The following ADAM23 variants were observed in gnomAD, a reference collection of about 807,000 sequenced individuals.
The protein encoded by ADAM23 is disintegrin and metalloproteinase domain-containing protein 23.
A neutral mutation model predicts 120.1 loss-of-function variants in ADAM23; 33 were observed. The ratio of observed to expected loss-of-function variants is 0.27; its 90% confidence interval spans 0.21 to 0.37. The LOEUF (loss-of-function observed/expected upper bound fraction) is 0.37. Among genes scored for constraint, ADAM23 ranks in the 10% least tolerant of loss-of-function variants. The pLI is 1.00. For synonymous variants in ADAM23, 367 were observed against 375.2 expected (o/e 0.98, Z 0.25); for missense variants, 862 against 1,058.2 (o/e 0.81, Z 2.57).
intron 3 of ADAM23, among the ~76,000 whole-genome samples, chr2:206,510,239 G>A (rs1649532105): frequency 6.6e-6 from 1 of 152,076 alleles, no homozygotes; most frequent in East Asian, 1.9e-4. Context: ...AAATTTAAAA[G>A]AAAAACAAAT....
intron 3 of ADAM23, among the ~76,000 whole-genome samples, chr2:206,525,281 T>A (rs2105793341): frequency 6.6e-6 from 1 of 152,242 alleles, no homozygotes; most frequent in East Asian, 1.9e-4. Flanking sequence ...CTCACTCAAT[T>A]TCCTAGTTAG....
At chr2:206,554,828 G>A (rs1007484419) in intron 9 of ADAM23, among the ~76,000 whole-genome samples, 1 of 152,080 alleles carries the variant, frequency 6.6e-6, no homozygotes, top group East Asian at 1.9e-4. Context: ...CAATTAAATG[G>A]CACTTCAAGT....
intron 18 of ADAM23, among the ~76,000 whole-genome samples, chr2:206,581,078 G>C (rs769319189): frequency 1.3e-5 from 2 of 152,074 alleles, no homozygotes; most frequent in African/African-American, 4.8e-5. Flanking sequence ...TCATTTCTTA[G>C]TGAGGTTTTT....
At chr2:206,531,995 A>G (rs2105799115) in intron 4 of ADAM23, among the ~76,000 whole-genome samples, 1 of 152,250 alleles carries the variant, frequency 6.6e-6, no homozygotes, top group African/African-American at 2.4e-5. Context: ...CCAGCCTTTG[A>G]GTTTTGTGCC....
intron 24 of ADAM23, among the ~76,000 whole-genome samples, chr2:206,604,914 A>G (rs1018602074): frequency 3.3e-5 from 5 of 152,204 alleles, no homozygotes; most frequent in African/African-American, 1.2e-4. Context: ...AATAAAGTGT[A>G]TGTATGTCCA....
In ADAM23 at chr2:206,618,574, C is replaced by T. The variant is rs1698980509; in HGVS notation, c.*947C>T. The T allele has an allele frequency of 6.6e-6, 1 of 152,140 alleles. No individual in the cohort carries two copies. The highest frequency in any genetic ancestry group is 1.5e-5 in the Non-Finnish European group (1 of 68,024). The allele number at this position is 152,140 out of a possible 1,614,324, so 9.4% of individuals were successfully genotyped here. A position where few individuals can be genotyped will look rare whatever the true frequency, so the allele number is the denominator to read the frequency against. On this transcript the variant is annotated 3_prime_UTR_variant, in exon 26 of 26. Transcript: ENST00000264377. ...GTTTCTTGTCTCTCTTTCTCTGTCTCTGTCCTTCTCTCTTGTAACGTGTTA... is the reference window on the plus strand; with the variant it reads ...GTTTCTTGTCTCTCTTTCTCTGTCTTTGTCCTTCTCTCTTGTAACGTGTTA...
chr2:206,540,641 T>C (rs928843168), intron 4 of ADAM23, among the ~76,000 whole-genome samples: 16 of 152,182 alleles, frequency 1.1e-4, no homozygotes, highest in Middle Eastern at 3.4e-3. Context: ...AGCTTTGAGC[T>C]TTTCATGCTC....
rs1695006352 is a variant in ADAM23, at chr2:206,443,708, A to G, written c.-159A>G. 5.6e-5 allele frequency: 11 copies of G among 195,368 alleles called. No individual in the cohort carries two copies. In the South Asian group the frequency reaches 1.9e-3, roughly 34 times the overall value. 12.1% of individuals were successfully genotyped at this position (195,368 alleles called of 1,614,324 possible). A position where few individuals can be genotyped will look rare whatever the true frequency, so the allele number is the denominator to read the frequency against. On this transcript the variant is annotated 5_prime_UTR_variant, in exon 1 of 26. Transcript: ENST00000264377. ...CGAGCCGGGAAAGGGGGCGCCGCCC[A>G]GCCCCGAGCCCCGCGCCCCGTGCCC...
At chr2:206,510,990 C>T (rs1053072705) in intron 3 of ADAM23, among the ~76,000 whole-genome samples, 1 of 152,074 alleles carries the variant, frequency 6.6e-6, no homozygotes, top group African/African-American at 2.4e-5. Context: ...TATATTTTTA[C>T]CTATTTTTTT....
Position 206,445,325 on chromosome 2 carries a change from C to G in ADAM23, c.233C>G (p.Thr78Ser). 1 of 1,613,866 alleles carries G rather than the reference C, an allele frequency of 6.2e-7. No homozygotes were observed. The highest frequency in any genetic ancestry group is 8.5e-7 in the Non-Finnish European group (1 of 1,179,912). Residue 78 changes from threonine to serine, a missense_variant, in exon 2 of 26, where the codon ACT becomes AGT. By Grantham distance (58) the Thr-to-Ser change is moderately conservative. Around this residue, in one of 4 missense-constraint regions of ADAM23, gnomAD observed 225 missense variants for 204.0 expected, o/e 1.10. Transcript: ENST00000264377. Reference protein sequence around the residue: ...AAPSAPHWNETAEKNLGVLAD... With the variant: ...AAPSAPHWNESAEKNLGVLAD... ...CCACCAGCTCCGCATTGGAATGAAA[C>G]TGCAGAAAAAAATTTGGGAGTCCTG...
chr2:206,492,367 G>A (rs893667990), intron 3 of ADAM23, among the ~76,000 whole-genome samples: 6 of 152,142 alleles, frequency 3.9e-5, no homozygotes, highest in Non-Finnish European at 7.4e-5. Flanking sequence ...GGCTTTGAGA[G>A]GTGAACAGAA....
chr2:206,509,224 A>T (rs1462766302), intron 3 of ADAM23, among the ~76,000 whole-genome samples: 1 of 152,220 alleles, frequency 6.6e-6, no homozygotes, highest in African/African-American at 2.4e-5. Flanking sequence ...ATACAAAAAG[A>T]ATACAAAGAA....
intron 3 of ADAM23, among the ~76,000 whole-genome samples, chr2:206,509,226 T>C (rs960475074): frequency 1.3e-5 from 2 of 152,132 alleles, no homozygotes; most frequent in Non-Finnish European, 2.9e-5. Flanking sequence ...ACAAAAAGAA[T>C]ACAAAGAAAA....
chr2:206,443,937 GC>G lies in ADAM23; in HGVS notation c.76del (p.Gln26AsnfsTer143). On this transcript the variant is annotated frameshift_variant, in exon 1 of 26. Transcript: ENST00000264377. LOFTEE classifies it high-confidence loss of function. Reference sequence around the variant, plus strand: ...TGCAGCCTTGCCGGCGCTTCCTGCGGCCCCCAACGCGGCCCCGCCGGCTCGG... The same window carrying G: ...TGCAGCCTTGCCGGCGCTTCCTGCGGCCCCAACGCGGCCCCGCCGGCTCGG... The part of the protein sequence containing the change: ...AGCSLAGASC[G>X]PQRGPAGSVP... The G allele has an allele frequency of 1.6e-6, 2 of 1,245,042 alleles. No homozygotes were observed. The highest frequency in any genetic ancestry group is 3.3e-5 in the South Asian group (1 of 30,464). 77.1% of individuals were successfully genotyped at this position (1,245,042 alleles called of 1,614,324 possible).
At chr2:206,497,977 T>A (rs934093259) in intron 3 of ADAM23, among the ~76,000 whole-genome samples, 16 of 151,822 alleles carry the variant, frequency 1.1e-4, no homozygotes, top group Non-Finnish European at 1.9e-4. Context: ...AGAACTACAA[T>A]CCACTGCTCA....
At chr2:206,565,707 C>T (rs1432092065) in intron 14 of ADAM23, among the ~76,000 whole-genome samples, 2 of 152,188 alleles carry the variant, frequency 1.3e-5, no homozygotes, top group African/African-American at 4.8e-5. Context: ...TGCCCCCAGA[C>T]CCCCTAAGCC....
intron 3 of ADAM23, among the ~76,000 whole-genome samples, chr2:206,501,366 C>T (rs899451759): frequency 2.0e-5 from 3 of 151,364 alleles, no homozygotes; most frequent in South Asian, 2.1e-4. Flanking sequence ...CATTCTGTAA[C>T]GTTTTATCCC....
chr2:206,589,044 G>A (rs1353146075), intron 20 of ADAM23, among the ~76,000 whole-genome samples: 1 of 152,208 alleles, frequency 6.6e-6, no homozygotes, highest in East Asian at 1.9e-4. Context: ...AGTTTCCTGT[G>A]TGTCAGTCAC....
intron 3 of ADAM23, among the ~76,000 whole-genome samples, chr2:206,529,654 T>C (rs1270469927): frequency 6.6e-6 from 1 of 152,176 alleles, no homozygotes; most frequent in Non-Finnish European, 1.5e-5. Context: ...TGCCTTGGCC[T>C]TCCAAAGCTG....
Sources: allele counts gnomAD v4.1 joint callset (sites outside exome capture counted in the v4.1 genomes callset), GRCh38; gene constraint gnomAD v4.1.1; regional missense constraint gnomAD v4.1.1; transcripts MANE v1.5; gene names NCBI Gene and HGNC (gene_info 2026-07-23, HGNC 2026-07-21).